NRXN3: variants seen among roughly 807,000 people sequenced by gnomAD.
NRXN3 encodes the protein neurexin III.
NRXN3 carries 32 observed loss-of-function variants against 137.6 expected under a neutral mutation model. That is an observed-to-expected ratio of 0.23 (90% CI 0.18 to 0.31). The LOEUF is 0.31. Ranked by LOEUF, NRXN3 falls within the 10% of genes least tolerant of loss-of-function variation. NRXN3 has a pLI of 1.00. For synonymous variants in NRXN3, 798 were observed against 784.5 expected, an observed-to-expected ratio of 1.02 and a Z score of -0.29; for missense variants, 1,574 against 2,062.5, an observed-to-expected ratio of 0.76 and a Z score of 4.59.
At chr14:79,302,500 A>G (rs2085313854) in intron 15 of NRXN3, among the ~76,000 whole-genome samples, 2 of 151,904 alleles carry the variant, frequency 1.3e-5, no homozygotes, top group African/African-American at 4.8e-5. Context: ...TAACAATCAG[A>G]TCTCATGGTA....
chr14:79,560,504 C>CTTTTTTGTTTTTTTTTT (rs2097482437), intron 16 of NRXN3, among the ~76,000 whole-genome samples: 1 of 43,770 alleles, frequency 2.3e-5, no homozygotes, highest in Non-Finnish European at 4.0e-5. Flanking sequence ...AGATTGTAAG[C>CTTTTTTGTTTTTTTTTT]TTTTTTTTTT....
At chr14:79,567,571 A>C (rs941631215) in intron 16 of NRXN3, among the ~76,000 whole-genome samples, 19 of 151,862 alleles carry the variant, frequency 1.3e-4, no homozygotes, top group African/African-American at 4.1e-4. Flanking sequence ...TATTTTCTTC[A>C]CTTAGCAATA....
rs76824069 is a variant in NRXN3 at position 78,836,004 on chromosome 14, G to A, written c.2275+25660G>A. On this transcript the variant is annotated intron_variant, in intron 10 of 20. Coordinates refer to ENST00000335750, the MANE Select transcript of NRXN3 (RefSeq NM_001330195.2). The stretch of plus-strand genomic sequence containing the variant: ...TCCTGATTGTCCCCCAATGTACTAT[G>A]TGTAGGGGCACTGTGGGGGTGCCCT... 7.5e-3 allele frequency among the ~76,000 whole-genome samples: 1,148 copies of A among 152,282 alleles called. 13 individuals are homozygous for A. The highest frequency in any genetic ancestry group is 0.027 in the African/African-American group (1,116 of 41,570).
rs552247829 is a variant in NRXN3, at chr14:78,224,464, C to T, written c.-703-17927C>T. ...CAACAGTCCCCAGAGTGTGATGTTC[C>T]CCTTCCTGTGCCCATGTGTTCTCAT... On this transcript the variant is annotated intron_variant, in intron 1 of 20. Coordinates refer to ENST00000335750, the MANE Select transcript of NRXN3 (RefSeq NM_001330195.2). Among the ~76,000 whole-genome samples the T allele has an allele frequency of 2.0e-5, 3 of 152,074 alleles. 1 individual carries two copies. The highest frequency in any genetic ancestry group is 2.1e-4 in the South Asian group (1 of 4,808).
chr14:78,595,898 T>C (rs1032070406), intron 4 of NRXN3, among the ~76,000 whole-genome samples: 2 of 152,166 alleles, frequency 1.3e-5, no homozygotes, highest in African/African-American at 4.8e-5. Flanking sequence ...CATAATATCA[T>C]GGGTTAAACC....
At chr14:78,281,881 A>G (rs2074457037) in intron 3 of NRXN3, among the ~76,000 whole-genome samples, 1 of 152,016 alleles carries the variant, frequency 6.6e-6, no homozygotes, top group African/African-American at 2.4e-5. Context: ...TGCCTTTCAC[A>G]TGACAGAGCT....
intron 15 of NRXN3, among the ~76,000 whole-genome samples, chr14:79,292,200 T>C (rs2083315856): frequency 6.6e-6 from 1 of 152,206 alleles, no homozygotes; most frequent in African/African-American, 2.4e-5. Flanking sequence ...TATTACATTA[T>C]AGGAGAGGCT....
chr14:79,680,088 A>C (rs111860875), intron 17 of NRXN3, among the ~76,000 whole-genome samples: 3 of 152,276 alleles, frequency 2.0e-5, no homozygotes, highest in African/African-American at 7.2e-5. Context: ...AATAGTACCT[A>C]TAACATCCTA....
At chr14:78,578,505 C>A (rs2096959500) in intron 4 of NRXN3, among the ~76,000 whole-genome samples, 1 of 152,098 alleles carries the variant, frequency 6.6e-6, no homozygotes, top group Admixed American at 6.5e-5. Flanking sequence ...TAGTTTGTTT[C>A]CTGCTTGTTC....
At chr14:79,199,461 A>G (rs1038115154) in intron 15 of NRXN3, among the ~76,000 whole-genome samples, 8 of 152,224 alleles carry the variant, frequency 5.3e-5, no homozygotes, top group Admixed American at 2.6e-4. Context: ...AGAAAAAACA[A>G]ACTACAATGT....
intron 15 of NRXN3, among the ~76,000 whole-genome samples, chr14:79,299,260 T>C (rs1365353801): frequency 6.6e-6 from 1 of 152,158 alleles, no homozygotes; most frequent in African/African-American, 2.4e-5. Flanking sequence ...GTGATCATGA[T>C]AAAAGAATCA....
chr14:79,451,638 A>G (rs1056813341), intron 15 of NRXN3, among the ~76,000 whole-genome samples: 1 of 152,156 alleles, frequency 6.6e-6, no homozygotes, highest in Non-Finnish European at 1.5e-5. Flanking sequence ...AGACCTTTTG[A>G]GCTTTAATTT....
chr14:78,829,330 C>T (rs1596299322), intron 10 of NRXN3, among the ~76,000 whole-genome samples: 1 of 152,148 alleles, frequency 6.6e-6, no homozygotes, highest in East Asian at 1.9e-4. Context: ...CATTATTAAA[C>T]TGGAAGCAAG....
At position 79,024,448 on chromosome 14, in the gene NRXN3, A is replaced by G. The variant is rs1204159032; in HGVS notation, c.3262+36307A>G. On this transcript the variant is annotated intron_variant, in intron 15 of 20. Transcript: ENST00000335750. Reference sequence around the variant, plus strand: ...GCTGATGACTCTGTGATAACATCATATCACATCCACATATTCCATACCATG... The same window carrying G: ...GCTGATGACTCTGTGATAACATCATGTCACATCCACATATTCCATACCATG... Among the ~76,000 whole-genome samples, 7 of 152,348 alleles carry G rather than the reference A, an allele frequency of 4.6e-5. No homozygotes were observed. In the East Asian group the frequency reaches 5.8e-4, roughly 13 times the overall value.
At chr14:79,574,034 CATATT>C (rs545653553) in intron 16 of NRXN3, among the ~76,000 whole-genome samples, 163 of 152,096 alleles carry the variant, frequency 1.1e-3, no homozygotes, top group Non-Finnish European at 1.8e-3. Flanking sequence ...CCACACATTT[CATATT>C]ATATTAAGGA....
In NRXN3 at chr14:79,694,340, A is replaced by G. The variant is rs891793172; in HGVS notation, c.3706+2078A>G. Among the ~76,000 whole-genome samples, 6 of 151,934 alleles carry G rather than the reference A, an allele frequency of 3.9e-5. No homozygotes were observed. In the East Asian group the frequency reaches 1.2e-3, roughly 29 times the overall value. On this transcript the variant is annotated intron_variant, in intron 18 of 20. Transcript: ENST00000335750. ...CTGACTGGAGACATGCAAAGATTTAATTTAAGCAGTATGTGAACTTGATGT... is the reference window on the plus strand; with the variant it reads ...CTGACTGGAGACATGCAAAGATTTAGTTTAAGCAGTATGTGAACTTGATGT...
intron 16 of NRXN3, among the ~76,000 whole-genome samples, chr14:79,635,885 G>T (rs148478226): frequency 5.3e-5 from 8 of 152,162 alleles, no homozygotes; most frequent in Non-Finnish European, 1.2e-4. Context: ...CAGACCAAAG[G>T]GGGGAAATGG....
intron 15 of NRXN3, among the ~76,000 whole-genome samples, chr14:79,411,529 C>A (rs1319268258): frequency 6.6e-6 from 1 of 152,160 alleles, no homozygotes; most frequent in Admixed American, 6.5e-5. Flanking sequence ...CTGAACACGA[C>A]TTGAATAAGG....
chr14:78,381,383 C>T (rs142493661), intron 4 of NRXN3, among the ~76,000 whole-genome samples: 5 of 152,004 alleles, frequency 3.3e-5, no homozygotes, highest in African/African-American at 7.2e-5. Context: ...TTGCAATATC[C>T]AGCAAAGGAT....
Sources: allele counts gnomAD v4.1 joint callset (sites outside exome capture counted in the v4.1 genomes callset), GRCh38; gene constraint gnomAD v4.1.1; transcripts MANE v1.5; gene names NCBI Gene and HGNC (gene_info 2026-07-23, HGNC 2026-07-21).